Variants in MICAL3 observed in about 807,000 individuals in gnomAD.
The protein encoded by MICAL3 is microtubule associated monooxygenase, calponin and LIM domain containing 3.
A neutral mutation model predicts 207.4 loss-of-function variants in MICAL3; 62 were observed. That is an observed-to-expected ratio of 0.30 (90% CI 0.24 to 0.37). The LOEUF (loss-of-function observed/expected upper bound fraction) is 0.37. Ranked by LOEUF, MICAL3 falls within the 10% of genes least tolerant of loss-of-function variation. The pLI is 1.00. For synonymous variants in MICAL3, 1,077 were observed against 1,069.3 expected (o/e 1.01, Z -0.14); for missense variants, 2,368 against 2,635.6 (o/e 0.90, Z 2.22).
At chr22:17,838,735 A>T (rs1322393328) in intron 20 of MICAL3, among the ~76,000 whole-genome samples, 2 of 152,164 alleles carry the variant, frequency 1.3e-5, no homozygotes, top group African/African-American at 2.4e-5. Context: ...AACTTGTGAA[A>T]TGAGAGTTCC....
At chr22:17,980,734 C>T in intron 1 of MICAL3, 1 of 440,874 alleles carries the variant, frequency 2.3e-6, no homozygotes. Context: ...CTCCAGAGTG[C>T]CACAGTTTCC....
chr22:17,801,752 G>C (rs980575854), intron 29 of MICAL3, among the ~76,000 whole-genome samples: 2 of 152,048 alleles, frequency 1.3e-5, no homozygotes, highest in Non-Finnish European at 2.9e-5. Flanking sequence ...AAATTAGCTG[G>C]GTGGGGTGGT....
At chr22:17,954,265 C>T (rs554550511) in intron 1 of MICAL3, among the ~76,000 whole-genome samples, 1 of 152,266 alleles carries the variant, frequency 6.6e-6, no homozygotes, top group African/African-American at 2.4e-5. Flanking sequence ...CAGGGACCAT[C>T]GCATTGGGGA....
At chr22:17,958,579 G>A (rs979174256) in intron 1 of MICAL3, among the ~76,000 whole-genome samples, 17 of 152,316 alleles carry the variant, frequency 1.1e-4, no homozygotes, top group African/African-American at 2.9e-4. Context: ...TGAATCATCC[G>A]CCCATGGAGT....
Position 17,817,476 on chromosome 22 carries a change from G to A in MICAL3, c.5185C>T (p.Leu1729=), listed in dbSNP as rs1224942115. Residue 1729 remains leucine, a synonymous_variant, in exon 26 of 32, where the codon CTA becomes TTA. Coordinates refer to ENST00000441493, the MANE Select transcript of MICAL3 (RefSeq NM_015241.3). ...RPPEKPSSNL[L]EEAAAKPKSL... ...TTGGGTTTGGCGGCGGCTTCTTCTAGGAGGTTGGAGCTGGGCTTCTCCGGG... is the reference window on the plus strand; with the variant it reads ...TTGGGTTTGGCGGCGGCTTCTTCTAAGAGGTTGGAGCTGGGCTTCTCCGGG... The A allele has an allele frequency of 1.8e-5, 29 of 1,613,784 alleles. No homozygotes were observed. Among genetic ancestry groups the A allele is most frequent in the Non-Finnish European group, 2.4e-5 (28 of 1,179,870 alleles).
intron 1 of MICAL3, among the ~76,000 whole-genome samples, chr22:17,943,630 G>C (rs1314801403): frequency 6.6e-6 from 1 of 152,246 alleles, no homozygotes; most frequent in African/African-American, 2.4e-5. Flanking sequence ...ATCAGGCGAT[G>C]TGCAGCCATG....
At chr22:17,993,307 T>C (rs1031174781) in intron 1 of MICAL3, among the ~76,000 whole-genome samples, 5 of 152,092 alleles carry the variant, frequency 3.3e-5, no homozygotes, top group African/African-American at 9.7e-5. Context: ...ACGTGCAGGT[T>C]TGTTACATAG....
intron 1 of MICAL3, among the ~76,000 whole-genome samples, chr22:17,978,266 T>C (rs1242712729): frequency 1.3e-5 from 2 of 152,166 alleles, no homozygotes; most frequent in Non-Finnish European, 1.5e-5. Flanking sequence ...GAAAACACCA[T>C]GCTAAGTGAA....
rs965706911 is a variant in MICAL3 at position 17,789,857 on chromosome 22, C to A, written c.*875G>T. 3 of 152,286 alleles carry A rather than the reference C, an allele frequency of 2.0e-5. No homozygotes were observed. The Middle Eastern group carries it at 0.01, about 518-fold the overall frequency. The allele number at this position is 152,286 out of a possible 1,614,324, so 9.4% of individuals were successfully genotyped here. A position where few individuals can be genotyped will look rare whatever the true frequency, so the allele number is the denominator to read the frequency against. ...ACAAAAAGGGTTTGAAGCGGCTGAGCGTCTTGCCAGGTTGTCAGCTTCATT... is the reference window on the plus strand; with the variant it reads ...ACAAAAAGGGTTTGAAGCGGCTGAGAGTCTTGCCAGGTTGTCAGCTTCATT... On this transcript the variant is annotated 3_prime_UTR_variant, in exon 32 of 32. Coordinates refer to ENST00000441493, the MANE Select transcript of MICAL3 (RefSeq NM_015241.3).
chr22:17,902,106 G>C lies in MICAL3; in HGVS notation c.590-127C>G. 1 of 661,746 alleles carries C rather than the reference G, an allele frequency of 1.5e-6. No homozygotes were observed. Among genetic ancestry groups the C allele is most frequent in the East Asian group, 2.7e-5 (1 of 36,534 alleles). The allele number at this position is 661,746 out of a possible 1,614,324, so 41.0% of individuals were successfully genotyped here. A position where few individuals can be genotyped will look rare whatever the true frequency, so the allele number is the denominator to read the frequency against. On this transcript the variant is annotated intron_variant, in intron 4 of 31. Transcript: ENST00000441493. The surrounding 1 kb of genome is among the most constrained non-coding windows in gnomAD (Gnocchi z 4.5). ...GCCAAAAACACTATGTGTAGAAGCAGTGGAGACAGAGGCTGTGCACGGTGG... is the reference window on the plus strand; with the variant it reads ...GCCAAAAACACTATGTGTAGAAGCACTGGAGACAGAGGCTGTGCACGGTGG...
In MICAL3 at chr22:17,864,331, G is replaced by A. The variant is rs530235859; in HGVS notation, c.2605+568C>T. On this transcript the variant is annotated intron_variant, in intron 19 of 31. Coordinates refer to ENST00000441493, the MANE Select transcript of MICAL3 (RefSeq NM_015241.3). ...GTCAGGACAGGGCATGTCCCATCAC[G>A]GTGCAGGGCAGACAGGAGAGCAGCC... 6.7e-6 allele frequency: 8 copies of A among 1,186,626 alleles called. No homozygotes were observed. The East Asian group carries it at 1.8e-4, about 26-fold the overall frequency. The allele number at this position is 1,186,626 out of a possible 1,614,324, so 73.5% of individuals were successfully genotyped here.
chr22:17,881,168 A>G (rs750250723), intron 16 of MICAL3: 14 of 1,538,578 alleles, frequency 9.1e-6, no homozygotes, highest in South Asian at 9.0e-5. Context: ...AGGCAGGCAG[A>G]CAGAGACAGG....
intron 1 of MICAL3, among the ~76,000 whole-genome samples, chr22:17,917,725 G>A (rs1181524490): frequency 2.0e-5 from 3 of 152,276 alleles, no homozygotes; most frequent in African/African-American, 4.8e-5. Context: ...CTCCCTGGGC[G>A]GGGCTGCCCT....
Position 17,979,598 on chromosome 22 carries a change from C to A in MICAL3, c.-75+44683G>T, listed in dbSNP as rs189403798. ...GAATAGAGATGTTGAGTCTTTTTAC[C>A]AAAGATTTCATTAGAGGAATTCCCC... On this transcript the variant is annotated intron_variant, in intron 1 of 31. Coordinates refer to ENST00000441493, the MANE Select transcript of MICAL3 (RefSeq NM_015241.3). 8.4e-3 allele frequency among the ~76,000 whole-genome samples: 1,282 copies of A among 151,896 alleles called. 61 individuals carry two copies. Among genetic ancestry groups the A allele is most frequent in the Admixed American group, 0.073 (1,110 of 15,264 alleles).
chr22:17,891,608 A>C lies in MICAL3; in HGVS notation c.1571T>G (p.Leu524Arg). The C allele has an allele frequency of 6.8e-6, 11 of 1,614,036 alleles. No homozygotes were observed. The highest frequency in any genetic ancestry group is 9.3e-6 in the Non-Finnish European group (11 of 1,179,884). ...TGTCTGCCTCTGGCACCAACCCAGC[A>C]GTTTGCTTGAACGAGCTACAGACTC... ...RNESVARSSK[L>R]LGWCQRQTDG... The change falls in exon 12 of 32, where the codon CTG becomes CGG. Residue 524 changes from leucine (L) to arginine (R), a missense_variant. Physicochemically the swap from Leu to Arg is moderately radical, Grantham distance 102. Transcript: ENST00000441493.
rs1457436172 is a variant in MICAL3 at position 17,796,728 on chromosome 22, G to A, written c.5651-5427C>T. On this transcript the variant is annotated intron_variant, in intron 29 of 31. Coordinates refer to ENST00000441493, the MANE Select transcript of MICAL3 (RefSeq NM_015241.3). This position sits in a 1 kb window ranked among gnomAD's most constrained non-coding sequence, Gnocchi z 4.4. The stretch of plus-strand genomic sequence containing the variant: ...TCGTCTTCTGAAGAGGCCCTGAGAG[G>A]GTAAGTAGAGTCTGTTTTGTCTGTG... Among the ~76,000 whole-genome samples the A allele has an allele frequency of 6.6e-6, 1 of 152,172 alleles. No homozygotes were observed. Among genetic ancestry groups the A allele is most frequent in the Non-Finnish European group, 1.5e-5 (1 of 68,028 alleles).
At chr22:17,883,597 G>A (rs150881018) in intron 16 of MICAL3, among the ~76,000 whole-genome samples, 115 of 152,232 alleles carry the variant, frequency 7.6e-4, no homozygotes, top group African/African-American at 2.5e-3. Context: ...GCTGTGACAC[G>A]GAGGAAACGC....
intron 27 of MICAL3, chr22:17,812,706 C>T (rs550879703): frequency 1.0e-3 from 239 of 234,758 alleles, no homozygotes; most frequent in Non-Finnish European, 1.4e-3. Context: ...TTATTTTTCA[C>T]GAAGTCACAC....
chr22:17,790,891 C>T lies in MICAL3; in HGVS notation c.5850G>A (p.Leu1950=). ...CATTGAGAATCTGCTTCTCTTCTGA[C>T]AGCTCCTCCTCAGTCTTAAGGTGAT... ...VEDHLKTEEE[L]SEEKQILNEM... is the part of the protein sequence containing the mutation. The change falls in exon 32 of 32, where the codon CTG becomes CTA. Residue 1950 remains leucine, a synonymous_variant. Coordinates refer to ENST00000441493, the MANE Select transcript of MICAL3 (RefSeq NM_015241.3). 6.2e-7 allele frequency: 1 copy of T among 1,613,878 alleles called. No homozygotes were observed. Among genetic ancestry groups the T allele is most frequent in the Non-Finnish European group, 8.5e-7 (1 of 1,179,906 alleles).
Sources: allele counts gnomAD v4.1 joint callset (sites outside exome capture counted in the v4.1 genomes callset), GRCh38; gene constraint gnomAD v4.1.1; non-coding constraint Gnocchi (gnomAD v3.1); transcripts MANE v1.5; gene names NCBI Gene and HGNC (gene_info 2026-07-23, HGNC 2026-07-21).